The following ARHGAP22 variants were observed in gnomAD, a reference collection of about 807,000 sequenced individuals.
The protein encoded by ARHGAP22 is Rho GTPase activating protein 22, also known as rho GTPase-activating protein 22.
A neutral mutation model predicts 59.1 loss-of-function variants in ARHGAP22; 48 were observed. The observed-to-expected ratio is 0.81, with a 90% confidence interval of 0.64 to 1.03. ARHGAP22 has a LOEUF of 1.03. Among genes scored for constraint, ARHGAP22 ranks in the 50% least tolerant of loss-of-function variants. The pLI, the probability that ARHGAP22 is intolerant of heterozygous loss-of-function variation, is 0.00. For synonymous variants in ARHGAP22, 445 were observed against 416.4 expected, an observed-to-expected ratio of 1.07 and a Z score of -0.84; for missense variants, 1,015 against 958.7, an observed-to-expected ratio of 1.06 and a Z score of -0.78.
intron 1 of ARHGAP22, among the ~76,000 whole-genome samples, chr10:48,585,170 TC>T (rs2059354828): frequency 1.3e-5 from 2 of 152,170 alleles, no homozygotes; most frequent in Middle Eastern, 3.2e-3. Context: ...ACTTGCTGGC[TC>T]CTTGCTTCTA....
intron 1 of ARHGAP22, among the ~76,000 whole-genome samples, chr10:48,641,049 T>A (rs898685900): frequency 1.3e-5 from 2 of 152,056 alleles, no homozygotes; most frequent in African/African-American, 4.8e-5. Context: ...TGAAGTAGAT[T>A]AAGGTAAAAT....
intron 3 of ARHGAP22, 74 bp from the exon 4 acceptor site, chr10:48,479,838 G>T: frequency 5.7e-6 from 8 of 1,398,126 alleles, no homozygotes; most frequent in Non-Finnish European, 7.6e-6. Flanking sequence ...GCACTAGTCA[G>T]CATTACTCCC....
intron 1 of ARHGAP22, among the ~76,000 whole-genome samples, chr10:48,594,599 G>A (rs1786877077): frequency 6.6e-6 from 1 of 152,136 alleles, no homozygotes; most frequent in African/African-American, 2.4e-5. Flanking sequence ...TCTTCCCAGG[G>A]GTGGGTGGTG....
intron 3 of ARHGAP22, among the ~76,000 whole-genome samples, chr10:48,538,750 A>AG (rs2055614578): frequency 1.3e-5 from 2 of 152,222 alleles, no homozygotes; most frequent in African/African-American, 4.8e-5. Flanking sequence ...ACCCAGAAGG[A>AG]GGGGAACTAC....
At position 48,628,270 on chromosome 10, in the gene ARHGAP22, T is replaced by C. The variant is rs189109282; in HGVS notation, c.52+23964A>G. Among the ~76,000 whole-genome samples the C allele has an allele frequency of 4.6e-5, 7 of 152,354 alleles. No individual in the cohort carries two copies. In the East Asian group the frequency reaches 1.3e-3, roughly 29 times the overall value. ...AGTGCAGATGTTACAGTCCTTGTTT[T>C]AGCAGTTAACATTTGCTGAGCATCT... is the stretch of plus-strand genomic sequence containing the variant. On this transcript the variant is annotated intron_variant, in intron 1 of 9. Coordinates refer to the ARHGAP22 transcript ENST00000435790.
chr10:48,544,254 A>G (rs575370799), intron 3 of ARHGAP22, among the ~76,000 whole-genome samples: 2 of 152,312 alleles, frequency 1.3e-5, no homozygotes, highest in African/African-American at 2.4e-5. Flanking sequence ...GATGATGAAA[A>G]TGAAGCCCAT....
At chr10:48,591,417 C>T (rs773041157) in intron 1 of ARHGAP22, among the ~76,000 whole-genome samples, 3 of 152,074 alleles carry the variant, frequency 2.0e-5, no homozygotes, top group Non-Finnish European at 4.4e-5. Flanking sequence ...CTTCATTTCT[C>T]AGAATTGAAT....
intron 1 of ARHGAP22, among the ~76,000 whole-genome samples, chr10:48,628,319 GC>G (rs2061517694): frequency 6.6e-6 from 1 of 152,176 alleles, no homozygotes; most frequent in African/African-American, 2.4e-5. Flanking sequence ...CACACACCAG[GC>G]CCCAGTATCT....
At chr10:48,441,757 C>T (rs2045208377), downstream of ARHGAP22, among the ~76,000 whole-genome samples, 1 of 152,142 alleles carries the variant, frequency 6.6e-6, no homozygotes, top group Non-Finnish European at 1.5e-5. Context: ...CGGCCAGGCA[C>T]ATGTGTTTTT....
At chr10:48,624,070 T>C (rs1038179694) in intron 1 of ARHGAP22, 9 of 152,254 alleles carry the variant, frequency 5.9e-5, no homozygotes, top group African/African-American at 2.2e-4. Flanking sequence ...AGTTAATCTG[T>C]CCATGTCTCT....
intron 4 of ARHGAP22, among the ~76,000 whole-genome samples, chr10:48,469,260 A>G (rs2048006577): frequency 6.6e-6 from 1 of 152,224 alleles, no homozygotes; most frequent in Admixed American, 6.5e-5. Flanking sequence ...ATTGAGCTCC[A>G]GGTGAAGCCC....
chr10:48,589,029 G>A (rs575866299), intron 1 of ARHGAP22, among the ~76,000 whole-genome samples: 27 of 152,270 alleles, frequency 1.8e-4, no homozygotes, highest in East Asian at 5.8e-4. Flanking sequence ...ACATGACTGC[G>A]TGTGCCGAGG....
chr10:48,475,494 C>T (rs745559461), intron 4 of ARHGAP22, among the ~76,000 whole-genome samples: 2 of 152,168 alleles, frequency 1.3e-5, no homozygotes, highest in Non-Finnish European at 2.9e-5. Context: ...ATCTTCCTTC[C>T]AAATAGCTGC....
At chr10:48,452,614 C>G (rs2046089165) in intron 8 of ARHGAP22, among the ~76,000 whole-genome samples, 2 of 152,222 alleles carry the variant, frequency 1.3e-5, no homozygotes, top group South Asian at 4.1e-4. Context: ...CTCATGCATA[C>G]TCCACTGGGG....
At chr10:48,569,951 A>AT (rs1385397930) in intron 2 of ARHGAP22, among the ~76,000 whole-genome samples, 1 of 152,202 alleles carries the variant, frequency 6.6e-6, no homozygotes, top group Non-Finnish European at 1.5e-5. Flanking sequence ...TGATGCTGTC[A>AT]TTTCAGGGGC....
At chr10:48,433,138 A>G in the ARHGAP22 span, among the ~76,000 whole-genome samples, 8,848 of 152,280 alleles carry the variant, frequency 0.058, 613 homozygotes, top group Admixed American at 0.21. Context: ...GATTTTCCAT[A>G]TTATTACCAT....
chr10:48,482,680 T>C (rs948549309), intron 3 of ARHGAP22, among the ~76,000 whole-genome samples: 3 of 152,230 alleles, frequency 2.0e-5, no homozygotes, highest in Non-Finnish European at 2.9e-5. Context: ...TTTGTACATA[T>C]TTATGGAGTA....
intron 3 of ARHGAP22, among the ~76,000 whole-genome samples, chr10:48,520,931 C>T (rs933455539): frequency 2.6e-5 from 4 of 152,156 alleles, no homozygotes; most frequent in Non-Finnish European, 4.4e-5. Context: ...CCAGTACCAC[C>T]TTCTTCCTCC....
At chr10:48,613,798 C>T (rs1379326987) in intron 1 of ARHGAP22, among the ~76,000 whole-genome samples, 8 of 152,164 alleles carry the variant, frequency 5.3e-5, no homozygotes, top group Admixed American at 3.3e-4. Context: ...AGTGTCTCCT[C>T]CAAAACTCAT....
Sources: gnomAD v4.1 joint callset for allele counts (sites outside exome capture counted in the v4.1 genomes callset) on GRCh38, gnomAD v4.1.1 for gene constraint, MANE v1.5 for transcripts, NCBI Gene and HGNC (gene_info 2026-07-23, HGNC 2026-07-21) for gene names.